The following DOK5 variants were observed in gnomAD, a reference collection of about 807,000 sequenced individuals.
DOK5 encodes docking protein 5.
A neutral mutation model predicts 43.3 loss-of-function variants in DOK5; 27 were observed. The observed-to-expected ratio is 0.62, with a 90% CI of 0.46 to 0.86. The LOEUF is 0.86. DOK5 is among the 40% of genes least tolerant of loss of function. DOK5 has a pLI of 0.00. For missense variants in DOK5, 373 were observed against 392.9 expected, an observed-to-expected ratio of 0.95 and a Z score of 0.43; for synonymous variants, 146 against 140.1, an observed-to-expected ratio of 1.04 and a Z score of -0.30.
intron 1 of DOK5, among the ~76,000 whole-genome samples, chr20:54,553,879 A>C (rs1340231267): frequency 7.1e-6 from 1 of 140,190 alleles, no homozygotes; most frequent in Non-Finnish European, 1.5e-5. Flanking sequence ...CCTGGGTGAC[A>C]GAGCAAGACT....
At chr20:54,526,335 A>G (rs1165302534) in intron 1 of DOK5, among the ~76,000 whole-genome samples, 3 of 152,094 alleles carry the variant, frequency 2.0e-5, no homozygotes, top group Non-Finnish European at 2.9e-5. Context: ...AGCTGGGACG[A>G]CGACGGCATG....
chr20:54,496,243 T>A (rs1982386472), intron 1 of DOK5, among the ~76,000 whole-genome samples: 1 of 152,208 alleles, frequency 6.6e-6, no homozygotes, highest in African/African-American at 2.4e-5. Flanking sequence ...TAAATAGGTG[T>A]CATGAATACA....
intron 5 of DOK5, among the ~76,000 whole-genome samples, chr20:54,593,022 G>T (rs1444000185): frequency 6.6e-6 from 1 of 152,140 alleles, no homozygotes; most frequent in Non-Finnish European, 1.5e-5. Flanking sequence ...AAAAACTGAA[G>T]TTCTAAATAC....
intron 6 of DOK5, among the ~76,000 whole-genome samples, chr20:54,637,584 C>T (rs1978882757): frequency 6.6e-6 from 1 of 152,238 alleles, no homozygotes; most frequent in Non-Finnish European, 1.5e-5. Flanking sequence ...GTCTTATTGC[C>T]ACGTTCCCCA....
intron 5 of DOK5, among the ~76,000 whole-genome samples, chr20:54,604,575 T>A (rs940155296): frequency 6.6e-6 from 1 of 152,252 alleles, no homozygotes; most frequent in African/African-American, 2.4e-5. Context: ...TCACAGCGGC[T>A]GTTATGCTTT....
intron 2 of DOK5, among the ~76,000 whole-genome samples, chr20:54,575,633 G>T (rs1014841098): frequency 1.3e-5 from 2 of 152,076 alleles, no homozygotes; most frequent in Non-Finnish European, 2.9e-5. Flanking sequence ...TAGAGGTGGG[G>T]TTTCACCATG....
chr20:54,533,933 G>C lies in DOK5; in HGVS notation c.67-21000G>C, dbSNP rs1600685400. On this transcript the variant is annotated intron_variant, in intron 1 of 7. Transcript: ENST00000262593. Reference sequence around the variant, plus strand: ...TTTTTTTCAGCTAGCAGTATTTATAGACAGCAACCATACTATAACTTATTT... The same window carrying C: ...TTTTTTTCAGCTAGCAGTATTTATACACAGCAACCATACTATAACTTATTT... Among the ~76,000 whole-genome samples, 4 of 152,202 alleles carry C rather than the reference G, an allele frequency of 2.6e-5. 1 individual carries two copies. The highest frequency in any genetic ancestry group is 2.6e-4 in the Admixed American group (4 of 15,278).
chr20:54,593,931 G>A (rs58707909), intron 5 of DOK5, among the ~76,000 whole-genome samples: 4,583 of 152,204 alleles, frequency 0.03, 214 homozygotes, highest in African/African-American at 0.1. Flanking sequence ...ACTTATAAGT[G>A]GGAGTTAAAT....
chr20:54,636,542 A>G (rs1331125502), intron 6 of DOK5, among the ~76,000 whole-genome samples: 4 of 152,146 alleles, frequency 2.6e-5, no homozygotes, highest in African/African-American at 7.2e-5. Context: ...GGTCCCACCC[A>G]GAAGTGGGCT....
intron 1 of DOK5, among the ~76,000 whole-genome samples, chr20:54,485,606 A>G (rs907981743): frequency 1.3e-5 from 2 of 152,194 alleles, no homozygotes; most frequent in Non-Finnish European, 2.9e-5. Flanking sequence ...TGAAGCTGAT[A>G]TACTCATATA....
At chr20:54,511,027 A>G (rs949692549) in intron 1 of DOK5, among the ~76,000 whole-genome samples, 4 of 152,162 alleles carry the variant, frequency 2.6e-5, no homozygotes, top group Non-Finnish European at 5.9e-5. Flanking sequence ...ATTATTTTCT[A>G]CGGGCTCAAT....
chr20:54,508,247 C>G (rs576312615), intron 1 of DOK5, among the ~76,000 whole-genome samples: 1 of 152,138 alleles, frequency 6.6e-6, no homozygotes, highest in South Asian at 2.1e-4. Context: ...ATGTGCACTG[C>G]TATCAAACCA....
intron 2 of DOK5, among the ~76,000 whole-genome samples, chr20:54,570,211 C>G (rs1399717027): frequency 6.6e-6 from 1 of 152,158 alleles, no homozygotes; most frequent in African/African-American, 2.4e-5. Context: ...TTAGAGTACT[C>G]TGCCATTTAA....
intron 2 of DOK5, among the ~76,000 whole-genome samples, chr20:54,579,141 T>C (rs56778503): frequency 0.21 from 32,414 of 152,160 alleles, 5,730 homozygotes; most frequent in African/African-American, 0.48. Flanking sequence ...ATCAGTATCA[T>C]CTTTACTCTT....
At chr20:54,576,010 G>A (rs1985441680) in intron 2 of DOK5, among the ~76,000 whole-genome samples, 1 of 152,042 alleles carries the variant, frequency 6.6e-6, no homozygotes, top group Non-Finnish European at 1.5e-5. Context: ...AGAAAATCAT[G>A]AACACAGAGT....
At chr20:54,538,948 A>G (rs1984046516) in intron 1 of DOK5, among the ~76,000 whole-genome samples, 1 of 152,178 alleles carries the variant, frequency 6.6e-6, no homozygotes. Context: ...ATACTGTATG[A>G]TTACACACAT....
At chr20:54,649,867 C>T (rs6098137) in intron 7 of DOK5, among the ~76,000 whole-genome samples, 19,542 of 152,202 alleles carry the variant, frequency 0.13, 3,115 homozygotes, top group African/African-American at 0.38. Context: ...GTGTCTGGCT[C>T]TTTCTAGAAA....
At chr20:54,504,453 G>C (rs1982730591) in intron 1 of DOK5, among the ~76,000 whole-genome samples, 1 of 152,190 alleles carries the variant, frequency 6.6e-6, no homozygotes, top group Admixed American at 6.5e-5. Context: ...AAGTTTTAGG[G>C]GGGGTTTAAA....
intron 5 of DOK5, among the ~76,000 whole-genome samples, chr20:54,606,411 C>T (rs528528448): frequency 1.5e-4 from 23 of 152,136 alleles, no homozygotes; most frequent in African/African-American, 5.3e-4. Context: ...AAGGAGGAAT[C>T]GGGAGCAACA....
Sources: gnomAD v4.1 joint callset for allele counts (sites outside exome capture counted in the v4.1 genomes callset) on GRCh38, gnomAD v4.1.1 for gene constraint, MANE v1.5 for transcripts, NCBI Gene and HGNC (gene_info 2026-07-23, HGNC 2026-07-21) for gene names.